The following CHST9 variants were observed in gnomAD, a reference collection of about 807,000 sequenced individuals.
The protein encoded by CHST9 is carbohydrate sulfotransferase 9, also known as GalNAc-4-sulfotransferase 2.
CHST9 carries 41 observed loss-of-function variants against 44.4 expected under a neutral mutation model. The ratio of observed to expected loss-of-function variants is 0.92; its 90% confidence interval spans 0.72 to 1.20. The LOEUF (loss-of-function observed/expected upper bound fraction) is 1.20. Among genes scored for constraint, CHST9 ranks in the 50% most tolerant of loss-of-function variants. The pLI, the probability that CHST9 is intolerant of heterozygous loss-of-function variation, is 0.00. For missense variants in CHST9, 504 were observed against 516.5 expected (o/e 0.98, Z 0.23); for synonymous variants, 171 against 178.4 (o/e 0.96, Z 0.33).
At chr18:26,939,050 T>C (rs868357420) in intron 5 of CHST9, among the ~76,000 whole-genome samples, 1 of 152,164 alleles carries the variant, frequency 6.6e-6, no homozygotes, top group Non-Finnish European at 1.5e-5. Flanking sequence ...AGGCCCAACG[T>C]TGGACATGGA....
intron 4 of CHST9, among the ~76,000 whole-genome samples, chr18:26,970,854 CCTCTA>C (rs1358054236): frequency 3.9e-5 from 6 of 152,172 alleles, no homozygotes; most frequent in African/African-American, 9.7e-5. Context: ...AGAAATCTGG[CCTCTA>C]CCCATGGTGA....
chr18:27,012,486 G>T (rs902030878), intron 4 of CHST9, among the ~76,000 whole-genome samples: 7 of 152,220 alleles, frequency 4.6e-5, no homozygotes, highest in Admixed American at 2.6e-4. Flanking sequence ...AGGTAGAGGA[G>T]GAGAGGAAGA....
chr18:26,923,542 AAGTGTT>A (rs2307561), intron 5 of CHST9, among the ~76,000 whole-genome samples: 42,379 of 151,814 alleles, frequency 0.28, 6,105 homozygotes, highest in East Asian at 0.48. Context: ...TACTGTTGAT[AAGTGTT>A]GTACATTTGT....
intron 2 of CHST9, among the ~76,000 whole-genome samples, chr18:27,077,080 A>G (rs1016264384): frequency 3.3e-5 from 5 of 152,166 alleles, no homozygotes; most frequent in African/African-American, 1.2e-4. Flanking sequence ...ATAGCTTCAC[A>G]TGGTTCATTT....
chr18:27,089,719 T>C (rs1330017004), intron 2 of CHST9, among the ~76,000 whole-genome samples: 1 of 152,072 alleles, frequency 6.6e-6, no homozygotes, highest in African/African-American at 2.4e-5. Context: ...CACACTGTCT[T>C]CCACAATAGT....
chr18:27,008,910 C>G (rs1298490225), intron 4 of CHST9, among the ~76,000 whole-genome samples: 1 of 129,690 alleles, frequency 7.7e-6, no homozygotes, highest in Non-Finnish European at 1.7e-5. Flanking sequence ...CTGTTCTGTT[C>G]TGTTTTTTTT....
chr18:27,000,649 T>TATCTATCTATCTATCTATCTA (rs1555675568), intron 4 of CHST9, among the ~76,000 whole-genome samples: 1 of 151,476 alleles, frequency 6.6e-6, no homozygotes, highest in Non-Finnish European at 1.5e-5. Context: ...TCTATCTATC[T>TATCTATCTATCTATCTATCTA]ATCTATCTCT....
chr18:26,954,179 C>A (rs764900422), intron 4 of CHST9, among the ~76,000 whole-genome samples: 36 of 152,096 alleles, frequency 2.4e-4, no homozygotes, highest in Non-Finnish European at 4.7e-4. Flanking sequence ...CAGACTGGGG[C>A]CCTGTCCTTA....
intron 2 of CHST9, among the ~76,000 whole-genome samples, chr18:27,127,807 G>C (rs1245824606): frequency 2.6e-5 from 4 of 152,156 alleles, no homozygotes; most frequent in African/African-American, 7.2e-5. Context: ...GAATAAGGAG[G>C]AGGAGGAGGA....
In CHST9 at chr18:27,174,802, C is replaced by T. The variant is rs183709733; in HGVS notation, c.-97+10334G>A. Among the ~76,000 whole-genome samples, 6 of 152,116 alleles carry T rather than the reference C, an allele frequency of 3.9e-5. No individual in the cohort carries two copies. The East Asian group carries it at 9.7e-4, about 24-fold the overall frequency. On this transcript the variant is annotated intron_variant, in intron 1 of 5. Coordinates refer to ENST00000618847, the MANE Select transcript of CHST9 (RefSeq NM_031422.6). The stretch of plus-strand genomic sequence containing the variant: ...TCAATGTGCTCTAATCCATTACATA[C>T]ATTATTACTCTTTATATACAAAAGA...
intron 5 of CHST9, among the ~76,000 whole-genome samples, chr18:26,939,787 G>GC (rs1208220908): frequency 6.6e-6 from 1 of 152,174 alleles, no homozygotes; most frequent in East Asian, 1.9e-4. Flanking sequence ...GGCAGGGCCT[G>GC]CATCTGCCCC....
At chr18:27,181,002 G>T (rs2058907541) in intron 1 of CHST9, among the ~76,000 whole-genome samples, 1 of 151,934 alleles carries the variant, frequency 6.6e-6, no homozygotes, top group Admixed American at 6.6e-5. Flanking sequence ...TACACTTTAT[G>T]TAGTGAGCAC....
chr18:27,148,522 C>A (rs1348913114), intron 1 of CHST9, among the ~76,000 whole-genome samples: 3 of 146,974 alleles, frequency 2.0e-5, no homozygotes, highest in South Asian at 4.5e-4. Flanking sequence ...GTTTTTTGTC[C>A]TTGTGATAGT....
chr18:27,094,809 T>A (rs950672536), intron 2 of CHST9, among the ~76,000 whole-genome samples: 2 of 152,202 alleles, frequency 1.3e-5, no homozygotes, highest in African/African-American at 4.8e-5. Context: ...AGGTGACTCA[T>A]CAAAGATCAC....
intron 1 of CHST9, among the ~76,000 whole-genome samples, chr18:27,164,330 A>G (rs1010459089): frequency 2.0e-5 from 3 of 151,848 alleles, no homozygotes; most frequent in Admixed American, 1.3e-4. Flanking sequence ...AAGAAAAAAA[A>G]AAAACGCTTT....
intron 4 of CHST9, among the ~76,000 whole-genome samples, chr18:26,987,342 T>C (rs989214192): frequency 6.6e-6 from 1 of 152,134 alleles, no homozygotes; most frequent in African/African-American, 2.4e-5. Context: ...GAAGCCAGTG[T>C]CATGTGCTTT....
At chr18:27,054,415 C>T (rs1355508847) in intron 2 of CHST9, among the ~76,000 whole-genome samples, 1 of 152,028 alleles carries the variant, frequency 6.6e-6, no homozygotes, top group Non-Finnish European at 1.5e-5. Context: ...ACTCCACTTG[C>T]GATGAATAAA....
chr18:27,052,121 T>C (rs1306131474), intron 2 of CHST9, among the ~76,000 whole-genome samples: 2 of 152,114 alleles, frequency 1.3e-5, no homozygotes, highest in East Asian at 1.9e-4. Context: ...CTATGTTATA[T>C]GAAAGGGCTT....
Position 26,992,193 on chromosome 18 carries a change from T to G in CHST9, c.202+31923A>C, listed in dbSNP as rs2056824454. 1.6e-5 allele frequency among the ~76,000 whole-genome samples: 2 copies of G among 126,942 alleles called. 1 individual carries two copies. The highest frequency in any genetic ancestry group is 3.6e-5 in the Non-Finnish European group (2 of 55,600). The allele number at this position is 126,942 out of a possible 152,430, so 83.3% of individuals were successfully genotyped here. ...AAGATGGGGCACAGGAACAAGAAGC[T>G]CTACTACCAGATGCCTCAGCCCCTC... On this transcript the variant is annotated intron_variant, in intron 4 of 5. Coordinates refer to ENST00000618847, the MANE Select transcript of CHST9 (RefSeq NM_031422.6).
Sources: allele counts gnomAD v4.1 joint callset (sites outside exome capture counted in the v4.1 genomes callset), GRCh38; gene constraint gnomAD v4.1.1; transcripts MANE v1.5; gene names NCBI Gene and HGNC (gene_info 2026-07-23, HGNC 2026-07-21).